Variants in PRKG1 observed in about 807,000 individuals in gnomAD.
PRKG1 encodes the protein cGMP-dependent protein kinase 1.
A neutral mutation model predicts 88.1 loss-of-function variants in PRKG1; 35 were observed. The observed-to-expected ratio is 0.40, with a 90% confidence interval of 0.30 to 0.53. The LOEUF (loss-of-function observed/expected upper bound fraction) is 0.53, where lower values mean the gene tolerates loss of function less well. Ranked by LOEUF, PRKG1 falls within the 20% of genes least tolerant of loss-of-function variation. The pLI is 0.59. For missense variants in PRKG1, 540 were observed against 839.8 expected (o/e 0.64, Z 4.41); for synonymous variants, 303 against 292.5 (o/e 1.04, Z -0.37).
intron 3 of PRKG1, among the ~76,000 whole-genome samples, chr10:51,748,419 T>C (rs1338450677): frequency 6.6e-6 from 1 of 152,200 alleles, no homozygotes. Context: ...CATGACATTT[T>C]TAATAGGTTG....
At chr10:51,192,322 A>G (rs540032639) in intron 2 of PRKG1, among the ~76,000 whole-genome samples, 72 of 152,016 alleles carry the variant, frequency 4.7e-4, no homozygotes, top group African/African-American at 1.6e-3. Flanking sequence ...AAGCTTTCTT[A>G]GCCTCTCTGC....
chr10:51,554,522 T>A (rs1404001769), intron 3 of PRKG1, among the ~76,000 whole-genome samples: 1 of 150,898 alleles, frequency 6.6e-6, no homozygotes, highest in African/African-American at 2.4e-5. Context: ...ATTTATTTAC[T>A]CAATGATTTT....
chr10:51,209,807 A>G (rs567253318), intron 2 of PRKG1, among the ~76,000 whole-genome samples: 77 of 152,260 alleles, frequency 5.1e-4, no homozygotes, highest in African/African-American at 1.7e-3. Flanking sequence ...GTTTCCTGAG[A>G]ACAATTCCCA....
intron 5 of PRKG1, among the ~76,000 whole-genome samples, chr10:52,000,994 A>G (rs894437969): frequency 3.3e-5 from 5 of 151,970 alleles, no homozygotes; most frequent in Non-Finnish European, 5.9e-5. Flanking sequence ...CCTGTGAACT[A>G]TATCTCCTCT....
chr10:51,777,050 C>G (rs973486970), intron 3 of PRKG1, among the ~76,000 whole-genome samples: 2 of 152,062 alleles, frequency 1.3e-5, no homozygotes, highest in African/African-American at 4.8e-5. Context: ...TCATTTAATA[C>G]TCCCAGAATA....
intron 5 of PRKG1, among the ~76,000 whole-genome samples, chr10:52,053,686 G>T (rs961718436): frequency 3.3e-5 from 5 of 152,158 alleles, no homozygotes; most frequent in South Asian, 2.1e-4. Flanking sequence ...AGACCTAGTT[G>T]TGGTGTCCGT....
chr10:51,037,782 CA>C (rs55765146), intron 1 of PRKG1, among the ~76,000 whole-genome samples: 29,869 of 139,796 alleles, frequency 0.21, 3,070 homozygotes, highest in South Asian at 0.41. Context: ...GACTCGATCT[CA>C]AAAAAAAAAA....
At chr10:51,986,598 A>G (rs182311614) in intron 5 of PRKG1, among the ~76,000 whole-genome samples, 12 of 152,320 alleles carry the variant, frequency 7.9e-5, no homozygotes, top group African/African-American at 2.6e-4. Context: ...GAAAAAGTCC[A>G]TAGTGGGCTG....
chr10:52,134,860 A>T lies in PRKG1; in HGVS notation c.1001+955A>T, dbSNP rs116279452. Among the ~76,000 whole-genome samples the T allele has an allele frequency of 6.2e-3, 945 of 152,180 alleles. 6 individuals carry two copies. Among genetic ancestry groups the T allele is most frequent in the African/African-American group, 0.021 (871 of 41,556 alleles). On this transcript the variant is annotated intron_variant, in intron 8 of 17. Transcript: ENST00000373980. ...GGCCCTTCTATGCTGGATCACTAGA[A>T]CCAGAGCAGAGACACAGTTGCAGAA...
intron 3 of PRKG1, among the ~76,000 whole-genome samples, chr10:51,490,806 A>G (rs1342543273): frequency 6.6e-6 from 1 of 152,156 alleles, no homozygotes; most frequent in Non-Finnish European, 1.5e-5. Context: ...GGCTATATCT[A>G]TCTAGATGGA....
intron 1 of PRKG1, among the ~76,000 whole-genome samples, chr10:51,151,492 A>G (rs1490954861): frequency 6.6e-6 from 1 of 151,778 alleles, no homozygotes; most frequent in Non-Finnish European, 1.5e-5. Context: ...AAGACAACCC[A>G]CTCAAAATTT....
rs181976471 is a variant in PRKG1 at position 52,225,378 on chromosome 10, G to A, written c.1077-26192G>A. On this transcript the variant is annotated intron_variant, in intron 9 of 17. Coordinates refer to ENST00000373980, the MANE Select transcript of PRKG1 (RefSeq NM_006258.4). Reference sequence around the variant, plus strand: ...GTGTTTGAGTTTGTTGTAGATTCTGGATATTAGTCCTTTGTCAGATGTATA... The same window carrying A: ...GTGTTTGAGTTTGTTGTAGATTCTGAATATTAGTCCTTTGTCAGATGTATA... Among the ~76,000 whole-genome samples the A allele has an allele frequency of 5.3e-5, 8 of 152,180 alleles. No individual in the cohort carries two copies. In the Middle Eastern group the frequency reaches 0.01, roughly 194 times the overall value.
At chr10:50,996,317 A>C (rs368330379) in intron 1 of PRKG1, among the ~76,000 whole-genome samples, 4 of 152,300 alleles carry the variant, frequency 2.6e-5, no homozygotes, top group South Asian at 4.1e-4. Flanking sequence ...TTCAAACCTA[A>C]ATCTCGAAGA....
intron 3 of PRKG1, among the ~76,000 whole-genome samples, chr10:51,734,259 G>A (rs1198361309): frequency 6.6e-6 from 1 of 152,068 alleles, no homozygotes; most frequent in East Asian, 1.9e-4. Flanking sequence ...AATATGCTGG[G>A]TGATAATGGC....
At chr10:51,683,456 T>G (rs1840901493) in intron 3 of PRKG1, among the ~76,000 whole-genome samples, 1 of 152,186 alleles carries the variant, frequency 6.6e-6, no homozygotes, top group Admixed American at 6.5e-5. Flanking sequence ...CCAATGCACA[T>G]AGAGGTCATA....
intron 4 of PRKG1, among the ~76,000 whole-genome samples, chr10:51,824,341 A>G (rs1284307375): frequency 6.6e-6 from 1 of 152,178 alleles, no homozygotes; most frequent in Non-Finnish European, 1.5e-5. Context: ...ATAATGTTCA[A>G]CTAGAGTAAC....
At chr10:52,137,377 A>G (rs1314964888) in intron 8 of PRKG1, among the ~76,000 whole-genome samples, 1 of 152,132 alleles carries the variant, frequency 6.6e-6, no homozygotes, top group Non-Finnish European at 1.5e-5. Context: ...AAAGAATATT[A>G]GTCTAACAGA....
At chr10:52,162,748 A>G (rs994249580) in intron 9 of PRKG1, among the ~76,000 whole-genome samples, 2 of 152,158 alleles carry the variant, frequency 1.3e-5, no homozygotes, top group African/African-American at 4.8e-5. Context: ...AAGATTAAAA[A>G]TTTGTCCTAG....
At chr10:51,736,616 T>A (rs888722428) in intron 3 of PRKG1, among the ~76,000 whole-genome samples, 23 of 151,612 alleles carry the variant, frequency 1.5e-4, no homozygotes, top group Admixed American at 1.2e-3. Flanking sequence ...TTTTTTTTTT[T>A]TTTTTTTAAG....
Sources: allele counts gnomAD v4.1 joint callset (sites outside exome capture counted in the v4.1 genomes callset), GRCh38; gene constraint gnomAD v4.1.1; transcripts MANE v1.5; gene names NCBI Gene and HGNC (gene_info 2026-07-23, HGNC 2026-07-21).